USP24: variants seen among roughly 807,000 people sequenced by gnomAD.
The protein encoded by USP24 is ubiquitin carboxyl-terminal hydrolase 24.
USP24 carries 97 observed loss-of-function variants against 361.6 expected under a neutral mutation model. That is an observed-to-expected ratio of 0.27 (90% CI 0.23 to 0.32). The LOEUF (loss-of-function observed/expected upper bound fraction) is 0.32. Among genes scored for constraint, USP24 ranks in the 10% least tolerant of loss-of-function variants. The pLI, the probability that USP24 is intolerant of heterozygous loss-of-function variation, is 1.00. For synonymous variants in USP24, 1,098 were observed against 1,124.6 expected (o/e 0.98, Z 0.47); for missense variants, 2,353 against 3,165.6 (o/e 0.74, Z 6.16).
intron 39 of USP24, 38 bp downstream of exon 39, chr1:55,110,147 C>T (rs1220008246): frequency 2.7e-6 from 4 of 1,490,546 alleles, no homozygotes; most frequent in Non-Finnish European, 3.6e-6. Flanking sequence ...TCTACTCTTC[C>T]CCAGCCCCTC....
rs1408255412 is a variant in USP24, at chr1:55,068,126, A to G, written c.*919T>C. The G allele has an allele frequency of 6.6e-6, 1 of 152,254 alleles. No individual in the cohort carries two copies. The highest frequency in any genetic ancestry group is 2.4e-5 in the African/African-American group (1 of 41,472). The allele number at this position is 152,254 out of a possible 1,614,324, so 9.4% of individuals were successfully genotyped here. ...AGTAATTATGTTTTAAGCAAAAGCA[A>G]ACGATTGCAGATCACATGATTTAAG... On this transcript the variant is annotated 3_prime_UTR_variant, in exon 68 of 68. Coordinates refer to ENST00000294383, the MANE Select transcript of USP24 (RefSeq NM_015306.3).
intron 5 of USP24, among the ~76,000 whole-genome samples, chr1:55,167,430 T>C (rs1163248435): frequency 6.6e-6 from 1 of 151,886 alleles, no homozygotes; most frequent in Non-Finnish European, 1.5e-5. Flanking sequence ...GAGCCAGGAG[T>C]GGCAGAGATG....
At position 55,078,127 on chromosome 1, in the gene USP24, T is replaced by C. The variant is rs565646421; in HGVS notation, c.7314+411A>G. Among the ~76,000 whole-genome samples, 11 of 152,196 alleles carry C rather than the reference T, an allele frequency of 7.2e-5. No homozygotes were observed. In the South Asian group the frequency reaches 2.3e-3, roughly 32 times the overall value. ...TGCATAAAAGAAGGCATGCAGAAAT[T>C]CTGTGGGCAGAAACTAATATATACA... On this transcript the variant is annotated intron_variant, in intron 61 of 67. Coordinates refer to ENST00000294383, the MANE Select transcript of USP24 (RefSeq NM_015306.3).
chr1:55,137,974 C>T, intron 26 of USP24, 70 bp from the exon 27 acceptor site: 1 of 1,427,168 alleles, frequency 7.0e-7, no homozygotes, highest in Non-Finnish European at 9.6e-7. Flanking sequence ...TGTGAGTGAA[C>T]ATCTACTAGG....
chr1:55,112,803 A>C (rs994301824), intron 38 of USP24, among the ~76,000 whole-genome samples: 1 of 152,148 alleles, frequency 6.6e-6, no homozygotes, highest in Non-Finnish European at 1.5e-5. Context: ...AGCTGAGTTC[A>C]AGTCCTGAAT....
chr1:55,090,064 C>T (rs1645341423), intron 54 of USP24, among the ~76,000 whole-genome samples: 1 of 152,120 alleles, frequency 6.6e-6, no homozygotes, highest in South Asian at 2.1e-4. Flanking sequence ...AGACAAAAGG[C>T]CTGAACTATA....
At chr1:55,199,055 C>T (rs1014274821) in intron 1 of USP24, among the ~76,000 whole-genome samples, 1 of 151,892 alleles carries the variant, frequency 6.6e-6, no homozygotes, top group Admixed American at 6.6e-5. Context: ...TTTGAGAGGC[C>T]GAAGCGGGCA....
At chr1:55,111,366 G>A (rs1250771006) in intron 38 of USP24, among the ~76,000 whole-genome samples, 2 of 151,918 alleles carry the variant, frequency 1.3e-5, no homozygotes, top group South Asian at 2.1e-4. Flanking sequence ...TGCTTCTTTC[G>A]TAAAACTTAG....
At chr1:55,093,887 T>G (rs1474763399) in intron 52 of USP24, 50 bp downstream of exon 52, 3 of 1,607,300 alleles carry the variant, frequency 1.9e-6, no homozygotes, top group Non-Finnish European at 2.6e-6. Flanking sequence ...TAGATACATT[T>G]TGATGTCCAC....
intron 1 of USP24, among the ~76,000 whole-genome samples, chr1:55,203,384 C>T (rs184013993): frequency 1.3e-5 from 2 of 152,298 alleles, no homozygotes; most frequent in Non-Finnish European, 1.5e-5. Flanking sequence ...AGTCAAGGTC[C>T]TCCTCCCTAA....
At chr1:55,146,306 A>G (rs912844091) in intron 19 of USP24, among the ~76,000 whole-genome samples, 197 bp from the exon 20 acceptor site, 5 of 152,216 alleles carry the variant, frequency 3.3e-5, no homozygotes, top group African/African-American at 1.2e-4. Context: ...TAATAAAAAT[A>G]TCTACTCATA....
chr1:55,117,524 C>A (rs888206875), intron 38 of USP24, among the ~76,000 whole-genome samples: 1 of 150,122 alleles, frequency 6.7e-6, no homozygotes, highest in Non-Finnish European at 1.5e-5. Context: ...GTCAGGAGAT[C>A]GAGACCATCC....
At chr1:55,116,797 C>A (rs962062964) in intron 38 of USP24, among the ~76,000 whole-genome samples, 2 of 152,156 alleles carry the variant, frequency 1.3e-5, no homozygotes, top group African/African-American at 4.8e-5. Flanking sequence ...CAAGTCTTCT[C>A]AAGCTCTTTC....
chr1:55,074,371 C>T (rs774474162), intron 63 of USP24, among the ~76,000 whole-genome samples: 5 of 152,112 alleles, frequency 3.3e-5, no homozygotes, highest in African/African-American at 7.2e-5. Context: ...TGGTGGCTCA[C>T]GCCTGTAATC....
chr1:55,154,131 T>A lies in USP24; in HGVS notation c.1800A>T (p.Glu600Asp). The change falls in exon 15 of 68, where the codon GAA becomes GAT. Residue 600 changes from glutamate to aspartate, a missense_variant. Physicochemically the swap from Glu to Asp is conservative, Grantham distance 45. Transcript: ENST00000294383. ...IKRSYIIKCI[E>D]DIKRPGEWSG... ...AGCTGAAACCAACCCTCTTAATATC[T>A]TCTATGCACTTGATGATGTAGCTCC... The A allele has an allele frequency of 6.2e-7, 1 of 1,613,560 alleles. No homozygotes were observed. Among genetic ancestry groups the A allele is most frequent in the Non-Finnish European group, 8.5e-7 (1 of 1,179,658 alleles).
At chr1:55,181,448 A>G (rs1482359339) in intron 1 of USP24, among the ~76,000 whole-genome samples, 1 of 152,250 alleles carries the variant, frequency 6.6e-6, no homozygotes, top group Non-Finnish European at 1.5e-5. Flanking sequence ...CATAAGTACT[A>G]TAAGTAAGCC....
Position 55,078,625 on chromosome 1 carries a change from T to G in USP24, c.7227A>C (p.Thr2409=). Residue 2409 remains threonine (T), a synonymous_variant, in exon 61 of 68, where the codon ACA becomes ACC. Transcript: ENST00000294383. ...TCTCAATGAGTGCCAAGAGCGAGCC[T>G]GTCAGCTCCCGCAAAGCAAACATTA... is the stretch of plus-strand genomic sequence containing the variant. ...LEVMFALREL[T]GSLLALIEMV... The G allele has an allele frequency of 6.2e-7, 1 of 1,609,846 alleles. No individual in the cohort carries two copies. Among genetic ancestry groups the G allele is most frequent in the African/African-American group, 1.3e-5 (1 of 74,932 alleles).
chr1:55,114,721 T>C (rs1646053255), intron 38 of USP24, among the ~76,000 whole-genome samples: 1 of 152,174 alleles, frequency 6.6e-6, no homozygotes, highest in Non-Finnish European at 1.5e-5. Context: ...ACCCCTTCCT[T>C]ACACTTTATA....
At chr1:55,144,263 A>G (rs1646970329) in intron 20 of USP24, 60 bp from the exon 21 acceptor site, 1 of 1,150,072 alleles carries the variant, frequency 8.7e-7, no homozygotes, top group African/African-American at 1.6e-5. Context: ...TAATCAATGA[A>G]AAGACTCAAA....
Sources: allele counts gnomAD v4.1 joint callset (sites outside exome capture counted in the v4.1 genomes callset), GRCh38; gene constraint gnomAD v4.1.1; transcripts MANE v1.5; gene names NCBI Gene and HGNC (gene_info 2026-07-23, HGNC 2026-07-21).